Variants in GALNT13 observed in about 807,000 individuals in gnomAD.
The protein encoded by GALNT13 is UDP-GalNAc:polypeptide N-acetylgalactosaminyltransferase 13.
Under a neutral mutation model 64.2 loss-of-function variants are expected in GALNT13, and 28 were observed. That is an observed-to-expected ratio of 0.44 (90% CI 0.32 to 0.60). GALNT13 has a LOEUF of 0.60. GALNT13 is among the 20% of genes least tolerant of loss of function. GALNT13 has a pLI of 0.05. For missense variants in GALNT13, 577 were observed against 669.8 expected (o/e 0.86, Z 1.53); for synonymous variants, 214 against 224.6 (o/e 0.95, Z 0.42).
At chr2:153,540,272 C>A in the GALNT13 span, among the ~76,000 whole-genome samples, 3 of 152,160 alleles carry the variant, frequency 2.0e-5, no homozygotes, top group Non-Finnish European at 4.4e-5. Flanking sequence ...CAAGCCTTGG[C>A]AGCTTCCATA....
At chr2:153,323,268 AT>A in the GALNT13 span, among the ~76,000 whole-genome samples, 1 of 151,628 alleles carries the variant, frequency 6.6e-6, no homozygotes, top group Non-Finnish European at 1.5e-5. Flanking sequence ...GCTTTTTTTC[AT>A]GTTTTTTGGC....
chr2:153,431,342 G>A, the GALNT13 span, among the ~76,000 whole-genome samples: 46 of 152,176 alleles, frequency 3.0e-4, no homozygotes, highest in African/African-American at 1.0e-3. Context: ...GAAACTCAGT[G>A]TGATAGAGGT....
the GALNT13 span, among the ~76,000 whole-genome samples, chr2:153,728,488 A>G: frequency 6.6e-6 from 1 of 152,190 alleles, no homozygotes; most frequent in South Asian, 2.1e-4. Context: ...GGAACACAGC[A>G]AAAACAGTGT....
At chr2:153,810,045 T>G in the GALNT13 span, among the ~76,000 whole-genome samples, 40 of 152,228 alleles carry the variant, frequency 2.6e-4, no homozygotes, top group South Asian at 7.9e-3. Flanking sequence ...ACTGCAAGCT[T>G]CTTCTCCTGG....
At chr2:153,215,216 A>G in the GALNT13 span, among the ~76,000 whole-genome samples, 1 of 152,024 alleles carries the variant, frequency 6.6e-6, no homozygotes, top group Non-Finnish European at 1.5e-5. Context: ...GCTCTTTCCC[A>G]CTAAATTCTC....
the GALNT13 span, among the ~76,000 whole-genome samples, chr2:153,721,002 A>T: frequency 8.4e-4 from 128 of 152,272 alleles, 3 homozygotes; most frequent in South Asian, 0.025. Flanking sequence ...TCCAAGATAC[A>T]TAATTGTCAG....
the GALNT13 span, among the ~76,000 whole-genome samples, chr2:153,372,171 G>C: frequency 6.6e-6 from 1 of 152,108 alleles, no homozygotes; most frequent in Non-Finnish European, 1.5e-5. Context: ...GTGGGGAATG[G>C]GGGCGGCATG....
At chr2:153,506,246 T>C in the GALNT13 span, among the ~76,000 whole-genome samples, 1 of 152,180 alleles carries the variant, frequency 6.6e-6, no homozygotes, top group Non-Finnish European at 1.5e-5. Context: ...ATGTGTTAAC[T>C]GAGTCTCCTG....
the GALNT13 span, among the ~76,000 whole-genome samples, chr2:153,858,459 T>C: frequency 6.6e-6 from 1 of 152,140 alleles, no homozygotes; most frequent in Non-Finnish European, 1.5e-5. Context: ...ATTACAGTAG[T>C]CCCCTCTTAT....
chr2:153,696,228 A>G, the GALNT13 span, among the ~76,000 whole-genome samples: 1 of 152,196 alleles, frequency 6.6e-6, no homozygotes, highest in Non-Finnish European at 1.5e-5. Context: ...CAAAAGCTGA[A>G]GAAACCGGAG....
chr2:153,914,911 G>A lies in GALNT13; in HGVS notation c.-105+13904G>A, dbSNP rs149822150. On this transcript the variant is annotated intron_variant, in intron 2 of 12. Coordinates refer to ENST00000392825, the MANE Select transcript of GALNT13 (RefSeq NM_052917.4). ...TACTAATATACTACTCCTGGTGGGG[G>A]ACAGGAGGGTGCCTGGATCCTGTTC... Among the ~76,000 whole-genome samples, 616 of 152,220 alleles carry A rather than the reference G, an allele frequency of 4.0e-3. 3 individuals are homozygous for A. Among genetic ancestry groups the A allele is most frequent in the African/African-American group, 0.014 (589 of 41,520 alleles).
chr2:154,261,567 A>G (rs1405968229), intron 8 of GALNT13, among the ~76,000 whole-genome samples: 1 of 152,152 alleles, frequency 6.6e-6, no homozygotes. Flanking sequence ...TTGAGCATTT[A>G]TAATCAGAGG....
chr2:153,618,776 T>G, the GALNT13 span, among the ~76,000 whole-genome samples: 1 of 152,028 alleles, frequency 6.6e-6, no homozygotes, highest in Non-Finnish European at 1.5e-5. Context: ...ATAATGACCT[T>G]CTTTGTCTCT....
the GALNT13 span, among the ~76,000 whole-genome samples, chr2:153,511,755 G>T: frequency 6.6e-6 from 1 of 152,166 alleles, no homozygotes; most frequent in Non-Finnish European, 1.5e-5. Flanking sequence ...GACTGAAGCG[G>T]GAGTTTTATG....
intron 4 of GALNT13, among the ~76,000 whole-genome samples, chr2:154,148,707 G>C (rs1224739151): frequency 1.3e-5 from 2 of 152,080 alleles, no homozygotes; most frequent in Non-Finnish European, 2.9e-5. Flanking sequence ...TGTGTCTTTT[G>C]GCTGCATAAA....
intron 7 of GALNT13, among the ~76,000 whole-genome samples, chr2:154,249,519 G>C (rs1368543105): frequency 6.6e-6 from 1 of 152,048 alleles, no homozygotes; most frequent in Non-Finnish European, 1.5e-5. Context: ...TAATTATGAA[G>C]ATATTCATTT....
intron 1 of GALNT13, among the ~76,000 whole-genome samples, chr2:153,887,692 C>T (rs1188937671): frequency 6.6e-6 from 1 of 151,982 alleles, no homozygotes; most frequent in Non-Finnish European, 1.5e-5. Context: ...GAATTTCCAA[C>T]ATCACCGCTG....
At chr2:153,741,219 A>G in the GALNT13 span, among the ~76,000 whole-genome samples, 2 of 151,726 alleles carry the variant, frequency 1.3e-5, no homozygotes. Flanking sequence ...CAATCTATTT[A>G]TTTATAAATA....
chr2:153,149,904 T>C, the GALNT13 span, among the ~76,000 whole-genome samples: 1 of 151,872 alleles, frequency 6.6e-6, no homozygotes, highest in Non-Finnish European at 1.5e-5. Context: ...ACATTTATTT[T>C]AAAATTAAGA....
Sources: gnomAD v4.1 joint callset for allele counts (sites outside exome capture counted in the v4.1 genomes callset) on GRCh38, gnomAD v4.1.1 for gene constraint, MANE v1.5 for transcripts, NCBI Gene and HGNC (gene_info 2026-07-23, HGNC 2026-07-21) for gene names.